The following PDPN variants were observed in gnomAD, a reference collection of about 807,000 sequenced individuals.
PDPN encodes the protein PA2.26 antigen.
PDPN carries 12 observed loss-of-function variants against 23.2 expected under a neutral mutation model. That is an observed-to-expected ratio of 0.52 (90% CI 0.33 to 0.84). The LOEUF (loss-of-function observed/expected upper bound fraction) is 0.84, where lower values mean the gene tolerates loss of function less well. Ranked by LOEUF, PDPN falls within the 40% of genes least tolerant of loss-of-function variation. The pLI is 0.02. For synonymous variants in PDPN, 77 were observed against 76.7 expected (o/e 1.00, Z -0.02); for missense variants, 199 against 212.2 (o/e 0.94, Z 0.39).
chr1:13,610,726 T>C (rs1039226928), intron 3 of PDPN, among the ~76,000 whole-genome samples: 1 of 152,252 alleles, frequency 6.6e-6, no homozygotes, highest in Non-Finnish European at 1.5e-5. Context: ...CTACCTAGAA[T>C]AACTAGTGAT....
At chr1:13,597,369 G>C (rs577483913) in intron 1 of PDPN, among the ~76,000 whole-genome samples, 7 of 152,162 alleles carry the variant, frequency 4.6e-5, no homozygotes, top group Non-Finnish European at 1.0e-4. Context: ...TTAATCTGTT[G>C]ACTAATACCC....
chr1:13,600,343 A>T (rs942506467), intron 1 of PDPN, among the ~76,000 whole-genome samples: 10 of 151,848 alleles, frequency 6.6e-5, no homozygotes, highest in Admixed American at 6.6e-4. Context: ...TCCGCTAATG[A>T]ATCATGAACT....
rs202137788 is a variant in PDPN, at chr1:13,614,411, C to T, written c.482C>T (p.Ser161Leu). 104 of 1,469,396 alleles carry T rather than the reference C, an allele frequency of 7.1e-5. No individual in the cohort carries two copies. The highest frequency in any genetic ancestry group is 1.3e-4 in the Admixed American group (8 of 59,658). The allele number at this position is 1,469,396 out of a possible 1,614,324, so 91.0% of individuals were successfully genotyped here. ...VVMRKMSGRY[S>L]P Reference sequence around the variant, plus strand: ...ATGCGAAAAATGTCGGGAAGGTACTCGTAAGTAAATAGCTTACACCCATGT... The same window carrying T: ...ATGCGAAAAATGTCGGGAAGGTACTTGTAAGTAAATAGCTTACACCCATGT... The change falls in exon 5 of 6, where the codon TCG becomes TTG. Residue 161 changes from serine (S) to leucine (L), a missense_variant and splice_region_variant. Ser to Leu is a moderately radical substitution (Grantham distance 145). Transcript: ENST00000621990.
chr1:13,615,292 C>CTT (rs1222538756), intron 5 of PDPN, among the ~76,000 whole-genome samples: 3 of 112,174 alleles, frequency 2.7e-5, no homozygotes, highest in Non-Finnish European at 5.4e-5. Context: ...CTTTCTTTTT[C>CTT]TTTTTCTTTT....
chr1:13,587,064 A>C (rs756197148), intron 1 of PDPN, among the ~76,000 whole-genome samples: 31 of 152,240 alleles, frequency 2.0e-4, no homozygotes, highest in Non-Finnish European at 2.2e-4. Flanking sequence ...ATATATATAA[A>C]AACAAAGTAA....
intron 4 of PDPN, among the ~76,000 whole-genome samples, 170 bp from the exon 5 acceptor site, chr1:13,614,130 T>G (rs1641005326): frequency 6.6e-6 from 1 of 152,212 alleles, no homozygotes; most frequent in Non-Finnish European, 1.5e-5. Flanking sequence ...TAAAATAGGA[T>G]TAGACTAGCC....
intron 2 of PDPN, 76 bp downstream of exon 2, chr1:13,607,382 ACTTT>A: frequency 2.8e-6 from 3 of 1,071,788 alleles, no homozygotes; most frequent in Non-Finnish European, 3.8e-6. Flanking sequence ...ATATTAATTT[ACTTT>A]ATATAAAAAT....
At position 13,616,039 on chromosome 1, in the gene PDPN, C is replaced by T. The variant is rs1258171602; in HGVS notation, c.*128C>T. Reference sequence around the variant, plus strand: ...ACTTGCCTGGCCCACTCAGAATCCACGGTGACCTCTCCGCTTGCCAAAATA... The same window carrying T: ...ACTTGCCTGGCCCACTCAGAATCCATGGTGACCTCTCCGCTTGCCAAAATA... On this transcript the variant is annotated 3_prime_UTR_variant, in exon 6 of 6. Transcript: ENST00000621990. 2.0e-5 allele frequency: 17 copies of T among 855,630 alleles called. No individual in the cohort carries two copies. Among genetic ancestry groups the T allele is most frequent in the South Asian group, 7.2e-5 (5 of 69,754 alleles). The allele number at this position is 855,630 out of a possible 1,614,324, so 53.0% of individuals were successfully genotyped here.
chr1:13,586,885 C>A (rs1414710847), intron 1 of PDPN, among the ~76,000 whole-genome samples: 1 of 151,802 alleles, frequency 6.6e-6, no homozygotes, highest in Non-Finnish European at 1.5e-5. Context: ...AACCCCGTCT[C>A]TACTAAAAAT....
chr1:13,598,384 T>C (rs1371261196), intron 1 of PDPN, among the ~76,000 whole-genome samples: 2 of 152,100 alleles, frequency 1.3e-5, no homozygotes, highest in African/African-American at 4.8e-5. Context: ...TGTCCAGTTC[T>C]TATCCCTCCT....
Position 13,603,468 on chromosome 1 carries a change from ATAGT to A in PDPN, c.68-3700_68-3697del, listed in dbSNP as rs372401538. On this transcript the variant is annotated intron_variant, in intron 1 of 5. Transcript: ENST00000621990. Reference sequence around the variant, plus strand: ...ATGAATGCAAAGATAAAAGTTATTCATAGTTAGTGATTTCATATAAATAAGCATT... The same window carrying A: ...ATGAATGCAAAGATAAAAGTTATTCATAGTGATTTCATATAAATAAGCATT... Among the ~76,000 whole-genome samples the A allele has an allele frequency of 6.2e-4, 95 of 152,324 alleles. 1 individual carries two copies. In the East Asian group the frequency reaches 0.018, roughly 28 times the overall value.
At chr1:13,602,762 T>G (rs947910997) in intron 1 of PDPN, among the ~76,000 whole-genome samples, 2 of 149,896 alleles carry the variant, frequency 1.3e-5, no homozygotes, top group African/African-American at 2.5e-5. Context: ...AGAGACGGGG[T>G]CTCACCATGT....
At chr1:13,596,770 C>T (rs972893156) in intron 1 of PDPN, among the ~76,000 whole-genome samples, 1 of 152,130 alleles carries the variant, frequency 6.6e-6, no homozygotes, top group African/African-American at 2.4e-5. Flanking sequence ...AAAGGTACAG[C>T]TAATAGAGGG....
chr1:13,585,699 A>T, intron 1 of PDPN: 1 of 1,257,796 alleles, frequency 8.0e-7, no homozygotes, highest in South Asian at 1.2e-5. Flanking sequence ...AAACTCCACT[A>T]CTAAAGAAAG....
Position 13,603,081 on chromosome 1 carries a change from G to A in PDPN, c.68-4092G>A, listed in dbSNP as rs572225130. On this transcript the variant is annotated intron_variant, in intron 1 of 5. Coordinates refer to ENST00000621990, the MANE Select transcript of PDPN (RefSeq NM_006474.5). Reference sequence around the variant, plus strand: ...TCTATAAATACAAAGGAGAGAGAGAGAAAAAAACAGAGAGAGATAGAAAGA... The same window carrying A: ...TCTATAAATACAAAGGAGAGAGAGAAAAAAAAACAGAGAGAGATAGAAAGA... 8.3e-4 allele frequency among the ~76,000 whole-genome samples: 126 copies of A among 151,188 alleles called. No individual in the cohort carries two copies. In the Middle Eastern group the frequency reaches 0.01, roughly 12 times the overall value.
At chr1:13,583,770 G>A (rs777064736), upstream of PDPN, 7 of 1,504,702 alleles carry the variant, frequency 4.7e-6, no homozygotes, top group South Asian at 9.3e-5. Flanking sequence ...CCACCTTGCG[G>A]CCGACCCCGC....
intron 1 of PDPN, among the ~76,000 whole-genome samples, chr1:13,606,672 G>A (rs2779781): frequency 0.29 from 44,137 of 151,624 alleles, 7,004 homozygotes; most frequent in Admixed American, 0.4. Context: ...TGTCTCTTAA[G>A]AAAAATTAAT....
rs754878513 is a variant in PDPN at position 13,584,228 on chromosome 1, T to C, written c.67+128T>C. ...CGCGGGGGAGCTGAGGGTGTGTGCG[T>C]GTCAGGCGGCTGAGCGCCGGAGGAG... On this transcript the variant is annotated intron_variant, in intron 1 of 5. Coordinates refer to ENST00000621990, the MANE Select transcript of PDPN (RefSeq NM_006474.5). The C allele has an allele frequency of 7.0e-5, 107 of 1,523,516 alleles. No homozygotes were observed. The Middle Eastern group carries it at 1.8e-3, about 26-fold the overall frequency. 94.4% of individuals were successfully genotyped at this position (1,523,516 alleles called of 1,614,324 possible).
At chr1:13,586,392 G>A (rs10927903) in intron 1 of PDPN, among the ~76,000 whole-genome samples, 34,360 of 152,082 alleles carry the variant, frequency 0.23, 4,298 homozygotes, top group African/African-American at 0.33. Context: ...ATCCAAAATA[G>A]CATTGAATAT....
Sources: allele counts gnomAD v4.1 joint callset (sites outside exome capture counted in the v4.1 genomes callset), GRCh38; gene constraint gnomAD v4.1.1; transcripts MANE v1.5; gene names NCBI Gene and HGNC (gene_info 2026-07-23, HGNC 2026-07-21).